BTBD9: variants seen among roughly 807,000 people sequenced by gnomAD.
BTBD9 encodes the protein BTB/POZ domain-containing protein 9.
In BTBD9, 49 loss-of-function variants were observed where a neutral mutation model predicts 64.3. The observed-to-expected ratio is 0.76, with a 90% CI of 0.61 to 0.97. The LOEUF (loss-of-function observed/expected upper bound fraction) is 0.97, where lower values mean the gene tolerates loss of function less well. Ranked by LOEUF, BTBD9 falls within the 50% of genes least tolerant of loss-of-function variation. BTBD9 has a pLI of 0.00. For synonymous variants in BTBD9, 260 were observed against 274.7 expected, an observed-to-expected ratio of 0.95 and a Z score of 0.53; for missense variants, 598 against 762.1, an observed-to-expected ratio of 0.78 and a Z score of 2.53.
chr6:38,230,095 T>A (rs1318427566), intron 9 of BTBD9, among the ~76,000 whole-genome samples: 1 of 152,232 alleles, frequency 6.6e-6, no homozygotes, highest in Non-Finnish European at 1.5e-5. Context: ...GTTCAAGTCA[T>A]CTCTCATCTG....
chr6:38,516,582 T>C (rs1418522233), intron 6 of BTBD9, among the ~76,000 whole-genome samples: 4 of 152,162 alleles, frequency 2.6e-5, no homozygotes, highest in Non-Finnish European at 4.4e-5. Context: ...GTAGGTGACA[T>C]GCTAGGAAGG....
chr6:38,198,370 C>A (rs962838467), intron 9 of BTBD9, among the ~76,000 whole-genome samples: 1 of 151,954 alleles, frequency 6.6e-6, no homozygotes, highest in Non-Finnish European at 1.5e-5. Context: ...GGAGAGCCAC[C>A]GGATGGGAGG....
At chr6:38,397,941 C>G (rs554829842) in intron 6 of BTBD9, among the ~76,000 whole-genome samples, 1 of 152,200 alleles carries the variant, frequency 6.6e-6, no homozygotes, top group East Asian at 1.9e-4. Flanking sequence ...ACCGAAGGAG[C>G]AGGAGTGCGG....
At chr6:38,583,672 T>C (rs899139257) in intron 4 of BTBD9, among the ~76,000 whole-genome samples, 27 of 152,342 alleles carry the variant, frequency 1.8e-4, no homozygotes, top group African/African-American at 6.3e-4. Context: ...GACTAAAGTC[T>C]AAAATGGAAA....
chr6:38,543,818 G>T (rs1173503236), intron 6 of BTBD9, among the ~76,000 whole-genome samples: 1 of 151,968 alleles, frequency 6.6e-6, no homozygotes, highest in Non-Finnish European at 1.5e-5. Flanking sequence ...TTAGCCGGGC[G>T]TGTTGGCGGG....
chr6:38,277,899 G>A (rs947458132), intron 8 of BTBD9, among the ~76,000 whole-genome samples: 2 of 152,168 alleles, frequency 1.3e-5, no homozygotes, highest in African/African-American at 4.8e-5. Context: ...CAAGCAGGAG[G>A]TAGTGTTCTG....
intron 6 of BTBD9, among the ~76,000 whole-genome samples, chr6:38,459,762 C>T (rs1379828344): frequency 1.3e-5 from 2 of 152,132 alleles, no homozygotes; most frequent in African/African-American, 4.8e-5. Context: ...TCATAATTTG[C>T]TCAAAAAACC....
intron 6 of BTBD9, among the ~76,000 whole-genome samples, chr6:38,512,270 G>A (rs1473037132): frequency 6.6e-6 from 1 of 152,148 alleles, no homozygotes; most frequent in Non-Finnish European, 1.5e-5. Context: ...ACCATGCCCG[G>A]CCACTACTAT....
At chr6:38,333,563 C>T (rs898885395) in intron 7 of BTBD9, among the ~76,000 whole-genome samples, 1 of 152,096 alleles carries the variant, frequency 6.6e-6, no homozygotes, top group African/African-American at 2.4e-5. Flanking sequence ...ACAGTTCTCA[C>T]AAGATCTGGT....
At chr6:38,419,989 A>G (rs1767833376) in intron 6 of BTBD9, among the ~76,000 whole-genome samples, 1 of 152,216 alleles carries the variant, frequency 6.6e-6, no homozygotes, top group African/African-American at 2.4e-5. Flanking sequence ...AAATGATACT[A>G]GACCTGAAAT....
intron 6 of BTBD9, among the ~76,000 whole-genome samples, chr6:38,438,949 G>A (rs1768887427): frequency 6.6e-6 from 1 of 152,004 alleles, no homozygotes; most frequent in African/African-American, 2.4e-5. Flanking sequence ...GCCAACAGAG[G>A]GGACAGCAAG....
chr6:38,418,599 GTTTTTAATTATGACCA>G (rs1311987229), intron 6 of BTBD9, among the ~76,000 whole-genome samples: 1 of 152,140 alleles, frequency 6.6e-6, no homozygotes, highest in African/African-American at 2.4e-5. Flanking sequence ...TGCTCAACCT[GTTTTTAATTATGACCA>G]CCCTAAGGAG....
At chr6:38,521,473 GA>G (rs1360213623) in intron 6 of BTBD9, among the ~76,000 whole-genome samples, 1 of 152,142 alleles carries the variant, frequency 6.6e-6, no homozygotes, top group African/African-American at 2.4e-5. Flanking sequence ...TCAGATTTCA[GA>G]ATATCTGCAT....
chr6:38,287,082 C>CAAA (rs60618390), intron 8 of BTBD9, among the ~76,000 whole-genome samples: 636 of 25,330 alleles, frequency 0.025, 167 homozygotes, highest in African/African-American at 0.083. Flanking sequence ...GGCTCCATCT[C>CAAA]AAAAAAAAAA....
intron 1 of BTBD9, among the ~76,000 whole-genome samples, chr6:38,628,530 G>A (rs555813076): frequency 2.0e-5 from 3 of 152,118 alleles, no homozygotes; most frequent in African/African-American, 7.2e-5. Flanking sequence ...GAACAAAGGC[G>A]TTACAAACAC....
chr6:38,506,341 C>G (rs1772512635), intron 6 of BTBD9, among the ~76,000 whole-genome samples: 1 of 152,198 alleles, frequency 6.6e-6, no homozygotes, highest in Admixed American at 6.5e-5. Context: ...TACAGTTGGG[C>G]AAAATCATCT....
At chr6:38,294,783 C>T (rs978765668) in intron 7 of BTBD9, among the ~76,000 whole-genome samples, 5 of 151,422 alleles carry the variant, frequency 3.3e-5, no homozygotes, top group African/African-American at 7.3e-5. Flanking sequence ...CACATGTATC[C>T]CAGAACTTAA....
chr6:38,189,673 CT>C (rs58452564), intron 10 of BTBD9, among the ~76,000 whole-genome samples: 80,369 of 147,862 alleles, frequency 0.54, 22,540 homozygotes, highest in Non-Finnish European at 0.63. Context: ...TTCTTTCTTT[CT>C]TTTTTTTTTT....
At chr6:38,264,699 C>T (rs1329653135) in intron 8 of BTBD9, among the ~76,000 whole-genome samples, 2 of 152,200 alleles carry the variant, frequency 1.3e-5, no homozygotes, top group African/African-American at 2.4e-5. Flanking sequence ...GCTTCACCCT[C>T]AGGTGGGGAG....
Sources: allele counts gnomAD v4.1 joint callset (sites outside exome capture counted in the v4.1 genomes callset), GRCh38; gene constraint gnomAD v4.1.1; transcripts MANE v1.5; gene names NCBI Gene and HGNC (gene_info 2026-07-23, HGNC 2026-07-21).